Variants in RYR3 observed in about 807,000 individuals in gnomAD.
RYR3 encodes the protein brain ryanodine receptor-calcium release channel.
A neutral mutation model predicts 584.3 loss-of-function variants in RYR3; 207 were observed. That is an observed-to-expected ratio of 0.35 (90% CI 0.32 to 0.40). The LOEUF (loss-of-function observed/expected upper bound fraction) is 0.40. Ranked by LOEUF, RYR3 falls within the 10% of genes least tolerant of loss-of-function variation. RYR3 has a pLI of 1.00. For synonymous variants in RYR3, 2,416 were observed against 2,248.5 expected (o/e 1.07, Z -2.11); for missense variants, 5,616 against 6,089.2 (o/e 0.92, Z 2.59).
chr15:33,861,260 G>C, intron 102 of RYR3, 82 bp downstream of exon 102: 1 of 1,035,160 alleles, frequency 9.7e-7, no homozygotes, highest in Non-Finnish European at 1.4e-6. Flanking sequence ...GTCTCTGCTG[G>C]AAAAAGAGTA....
chr15:33,411,176 A>G (rs1488659558), intron 1 of RYR3, among the ~76,000 whole-genome samples: 1 of 152,048 alleles, frequency 6.6e-6, no homozygotes, highest in Non-Finnish European at 1.5e-5. Context: ...CCCTACCTGG[A>G]TTTGTCTTGC....
chr15:33,837,853 A>C lies in RYR3; in HGVS notation c.11873A>C (p.Glu3958Ala), dbSNP rs2059255954. 6.2e-7 allele frequency: 1 copy of C among 1,614,040 alleles called. No individual in the cohort carries two copies. The highest frequency in any genetic ancestry group is 8.5e-7 in the Non-Finnish European group (1 of 1,179,900). Residue 3958 changes from glutamate to alanine, a missense_variant, in exon 89 of 104, where the codon GAG becomes GCG. This residue lies in a region of RYR3 where 258 missense variants were observed against 297.3 expected (regional missense o/e 0.87). Coordinates refer to ENST00000634891, the MANE Select transcript of RYR3 (RefSeq NM_001036.6). The part of the protein sequence containing the change: ...MEGQKQYTQS[E>A]IDFLLSCAEA... ...GGGCAAAAACAGTACACGCAGTCAG[A>C]GATTGACTTTCTCCTGTCGTGTGCA... is the stretch of plus-strand genomic sequence containing the variant.
At chr15:33,681,370 T>C (rs1032254559) in intron 38 of RYR3, among the ~76,000 whole-genome samples, 8 of 152,198 alleles carry the variant, frequency 5.3e-5, no homozygotes, top group Non-Finnish European at 1.0e-4. Flanking sequence ...AAGTCAACAG[T>C]AGGCTAGTAG....
Position 33,635,625 on chromosome 15 carries a change from G to A in RYR3, c.3187G>A (p.Val1063Met). ...PSDQELADSAVEKVSIDKIRF... is the reference protein window; with the variant it reads ...PSDQELADSAMEKVSIDKIRF... ...TCTTCTCACAATAGCTGACTCGGCT[G>A]TGGAGAAGGTCAGCATAGACAAGAT... The change falls in exon 26 of 104, where the codon GTG (valine) becomes ATG (methionine). Residue 1063 changes from valine to methionine, a missense_variant. Coordinates refer to ENST00000634891, the MANE Select transcript of RYR3 (RefSeq NM_001036.6). The A allele has an allele frequency of 1.2e-6, 2 of 1,613,616 alleles. No individual in the cohort carries two copies. The highest frequency in any genetic ancestry group is 1.7e-6 in the Non-Finnish European group (2 of 1,179,668).
chr15:33,822,995 GA>G lies in RYR3; in HGVS notation c.10999del (p.Met3667CysfsTer2). The G allele has an allele frequency of 6.2e-7, 1 of 1,612,644 alleles. No individual in the cohort carries two copies. The highest frequency in any genetic ancestry group is 8.5e-7 in the Non-Finnish European group (1 of 1,179,214). On this transcript the variant is annotated frameshift_variant and splice_region_variant, in exon 81 of 104. Transcript: ENST00000634891. LOFTEE classifies it high-confidence loss of function. ...LNGGNAGVQQ[K>X]MLDYLKEKKD... Reference sequence around the variant, plus strand: ...CCCCTTACAACGTGTCTCCCTTGCAGAAAATGCTAGATTACCTAAAGGAGAA... The same window carrying G: ...CCCCTTACAACGTGTCTCCCTTGCAGAAATGCTAGATTACCTAAAGGAGAA...
chr15:33,784,550 A>G (rs1327065199), intron 65 of RYR3, among the ~76,000 whole-genome samples: 1 of 152,248 alleles, frequency 6.6e-6, no homozygotes, highest in African/African-American at 2.4e-5. Context: ...GGGAAAGCAC[A>G]CCACATTTTT....
chr15:33,598,491 A>G, intron 16 of RYR3, among the ~76,000 whole-genome samples: 1 of 152,106 alleles, frequency 6.6e-6, no homozygotes, highest in East Asian at 1.9e-4. Flanking sequence ...CTCTAAGTGT[A>G]AGCAGAAATT....
intron 81 of RYR3, among the ~76,000 whole-genome samples, chr15:33,824,773 C>G (rs1433894421): frequency 6.6e-6 from 1 of 152,206 alleles, no homozygotes; most frequent in African/African-American, 2.4e-5. Context: ...TCTTAATGGA[C>G]TTAGCCATAA....
At chr15:33,472,149 A>G (rs1256085168) in intron 1 of RYR3, among the ~76,000 whole-genome samples, 1 of 152,210 alleles carries the variant, frequency 6.6e-6, no homozygotes. Flanking sequence ...CAGTGCTAGT[A>G]AAACTGTGGA....
intron 1 of RYR3, among the ~76,000 whole-genome samples, chr15:33,336,657 T>C (rs1244001790): frequency 1.3e-5 from 2 of 151,232 alleles, no homozygotes; most frequent in African/African-American, 2.4e-5. Context: ...AAAGTAGAGG[T>C]ATGATCCAGC....
intron 14 of RYR3, among the ~76,000 whole-genome samples, chr15:33,583,533 C>G (rs2058694315): frequency 6.6e-6 from 1 of 152,198 alleles, no homozygotes; most frequent in Admixed American, 6.6e-5. Flanking sequence ...TTTCTCATTG[C>G]TCTAGTCTGA....
At chr15:33,522,767 G>A (rs1445351945) in intron 3 of RYR3, among the ~76,000 whole-genome samples, 3 of 152,128 alleles carry the variant, frequency 2.0e-5, no homozygotes. Flanking sequence ...TGTACTTAGC[G>A]AGCTCCTGTT....
chr15:33,836,104 GT>G (rs2078026328), intron 87 of RYR3, among the ~76,000 whole-genome samples: 1 of 139,774 alleles, frequency 7.2e-6, no homozygotes, highest in South Asian at 2.3e-4. Flanking sequence ...CTATGGTTGG[GT>G]TTTTGGTTTT....
At chr15:33,813,398 T>C (rs1308624717) in intron 73 of RYR3, 69 bp from the exon 74 acceptor site, 4 of 1,359,570 alleles carry the variant, frequency 2.9e-6, no homozygotes, top group East Asian at 4.6e-5. Context: ...AAGTCTGGGC[T>C]ACAGGTGACT....
chr15:33,569,218 G>A (rs1168387556), intron 12 of RYR3, among the ~76,000 whole-genome samples: 1 of 152,180 alleles, frequency 6.6e-6, no homozygotes, highest in African/African-American at 2.4e-5. Flanking sequence ...ATACTTAGGA[G>A]TGAAATTGCT....
chr15:33,772,196 C>T (rs1312622575), intron 63 of RYR3, 38 bp downstream of exon 63: 11 of 1,386,928 alleles, frequency 7.9e-6, no homozygotes, highest in Non-Finnish European at 1.1e-5. Flanking sequence ...TGTATGTGCA[C>T]ATGGCCCCAG....
chr15:33,785,788 A>G lies in RYR3; in HGVS notation c.9395A>G (p.Glu3132Gly), dbSNP rs769053123. 1.2e-6 allele frequency: 2 copies of G among 1,613,968 alleles called. No individual in the cohort carries two copies. Among genetic ancestry groups the G allele is most frequent in the Admixed American group, 3.3e-5 (2 of 60,024 alleles). ...ARYTEMPHVI[E>G]VILPMLCNYL... Reference sequence around the variant, plus strand: ...TACACAGAGATGCCCCATGTCATCGAGGTGATCTTACCCATGCTCTGCAAC... The same window carrying G: ...TACACAGAGATGCCCCATGTCATCGGGGTGATCTTACCCATGCTCTGCAAC... The change falls in exon 66 of 104, where the codon GAG (glutamate) becomes GGG (glycine). Residue 3132 changes from glutamate to glycine, a missense_variant. Physicochemically the swap from Glu to Gly is moderately conservative, Grantham distance 98. This residue lies in a region of RYR3 where 954 missense variants were observed against 1,132.2 expected (regional missense o/e 0.84). Transcript: ENST00000634891.
chr15:33,636,455 T>G lies in RYR3; in HGVS notation c.3461T>G (p.Leu1154Arg). The part of the protein sequence containing the change: ...PGDVVGCMIN[L>R]DDASMIFTLN... ...GATGTGGTCGGATGTATGATTAACC[T>G]GGATGATGCTTCAATGATCTTCACA... is the stretch of plus-strand genomic sequence containing the variant. The change falls in exon 27 of 104, where the codon CTG becomes CGG. Residue 1154 changes from leucine to arginine, a missense_variant. Leu to Arg is a moderately radical substitution (Grantham distance 102, BLOSUM62 -2). Around this residue, in one of 9 missense-constraint regions of RYR3, gnomAD observed 152 missense variants for 200.9 expected, o/e 0.76. Coordinates refer to ENST00000634891, the MANE Select transcript of RYR3 (RefSeq NM_001036.6). The G allele has an allele frequency of 6.2e-7, 1 of 1,613,868 alleles. No individual in the cohort carries two copies. The highest frequency in any genetic ancestry group is 8.5e-7 in the Non-Finnish European group (1 of 1,179,832).
chr15:33,650,739 C>T (rs1389180951), intron 31 of RYR3, among the ~76,000 whole-genome samples: 1 of 152,186 alleles, frequency 6.6e-6, no homozygotes, highest in Non-Finnish European at 1.5e-5. Context: ...GTGAGTTTTG[C>T]ACTCTGTGAA....
Sources: gnomAD v4.1 joint callset for allele counts (sites outside exome capture counted in the v4.1 genomes callset) on GRCh38, gnomAD v4.1.1 for gene constraint, gnomAD v4.1.1 regional missense constraint, MANE v1.5 for transcripts, NCBI Gene and HGNC (gene_info 2026-07-23, HGNC 2026-07-21) for gene names.